ASH1L: variants seen among roughly 807,000 people sequenced by gnomAD.
ASH1L encodes histone-lysine N-methyltransferase ASH1L.
In ASH1L, 23 loss-of-function variants were observed where a neutral mutation model predicts 269.0. That is an observed-to-expected ratio of 0.09 (90% CI 0.06 to 0.12). ASH1L has a LOEUF of 0.12. ASH1L is among the 10% of genes least tolerant of loss of function. The pLI, the probability that ASH1L is intolerant of heterozygous loss-of-function variation, is 1.00. For missense variants in ASH1L, 2,912 were observed against 3,567.8 expected (o/e 0.82, Z 4.68); for synonymous variants, 1,187 against 1,253.5 (o/e 0.95, Z 1.12).
chr1:155,521,394 G>GT lies in ASH1L; in HGVS notation c.125dup (p.Asn42LysfsTer23). 6.2e-7 allele frequency: 1 copy of GT among 1,614,020 alleles called. No individual in the cohort carries two copies. Among genetic ancestry groups the GT allele is most frequent in the Non-Finnish European group, 8.5e-7 (1 of 1,180,008 alleles). ...TGCGAAGGTCCTCTTCCTCCTTTGTGTTTTTTTCTAGCTCTACTTCTCTCT... is the reference window on the plus strand; with the variant it reads ...TGCGAAGGTCCTCTTCCTCCTTTGTGTTTTTTTTCTAGCTCTACTTCTCTCT... On this transcript the variant is annotated frameshift_variant, in exon 2 of 28. Coordinates refer to ENST00000392403, the MANE Select transcript of ASH1L (RefSeq NM_018489.3). LOFTEE classifies it high-confidence loss of function.
At chr1:155,434,988 T>C (rs1293428763) in intron 5 of ASH1L, among the ~76,000 whole-genome samples, 1 of 152,092 alleles carries the variant, frequency 6.6e-6, no homozygotes, top group Non-Finnish European at 1.5e-5. Flanking sequence ...GGAAACCCCG[T>C]CTCTACTAAA....
chr1:155,469,001 A>G (rs1332084510), intron 3 of ASH1L, among the ~76,000 whole-genome samples: 1 of 152,150 alleles, frequency 6.6e-6, no homozygotes, highest in Non-Finnish European at 1.5e-5. Context: ...CAAAATGTAA[A>G]GGTGTAAGAA....
chr1:155,370,994 A>T lies in ASH1L; in HGVS notation c.6333-11T>A. 6.2e-7 allele frequency: 1 copy of T among 1,613,918 alleles called. No homozygotes were observed. Among genetic ancestry groups the T allele is most frequent in the South Asian group, 1.1e-5 (1 of 91,060 alleles). On this transcript the variant is annotated splice_polypyrimidine_tract_variant and intron_variant, in intron 10 of 27. Transcript: ENST00000392403. ...TCAGCAAAGATCATTCTAGAAAAAA[A>T]AGGAATAACTGTACATCAACTTACA...
intron 12 of ASH1L, 23 bp from the exon 13 acceptor site, chr1:155,360,432 T>G: frequency 6.6e-7 from 1 of 1,517,344 alleles, no homozygotes; most frequent in Non-Finnish European, 9.1e-7. Context: ...AAAACAGAGT[T>G]ATAAAGGCTG....
rs778407421 is a variant in ASH1L, at chr1:155,343,674, G to T, written c.8050C>A (p.Arg2684=). 6.2e-7 allele frequency: 1 copy of T among 1,614,158 alleles called. No homozygotes were observed. The highest frequency in any genetic ancestry group is 8.5e-7 in the Non-Finnish European group (1 of 1,180,022). Residue 2684 remains arginine (R), a synonymous_variant, in exon 23 of 28, where the codon CGA becomes AGA. Coordinates refer to ENST00000392403, the MANE Select transcript of ASH1L (RefSeq NM_018489.3). The surrounding 1 kb of genome is among the most constrained non-coding windows in gnomAD (Gnocchi z 6.1). ...PDGHPVRQSY[R]LLSHINRDKL... is the part of the protein sequence containing the mutation. The stretch of plus-strand genomic sequence containing the variant: ...TCTCGGTTAATGTGAGATAACAGTC[G>T]ATAGGACTGACGGACCGGGTGGCCA...
At chr1:155,346,315 G>C (rs756028681) in intron 21 of ASH1L, 68 bp downstream of exon 21, 3 of 1,561,340 alleles carry the variant, frequency 1.9e-6, no homozygotes, top group Non-Finnish European at 2.6e-6. Context: ...GCAGGAGCAG[G>C]ACAGGTGAGA....
chr1:155,362,215 T>A (rs963746092), intron 12 of ASH1L, among the ~76,000 whole-genome samples: 1 of 151,944 alleles, frequency 6.6e-6, no homozygotes, highest in Admixed American at 6.6e-5. Context: ...TTCATATTTT[T>A]AGTAGAGACA....
chr1:155,471,987 T>C (rs775258618), intron 3 of ASH1L, among the ~76,000 whole-genome samples: 3 of 152,188 alleles, frequency 2.0e-5, no homozygotes, highest in Admixed American at 6.5e-5. Context: ...TTTCTGTATG[T>C]TATTTTATAA....
chr1:155,437,601 G>A (rs1234067662), intron 5 of ASH1L, among the ~76,000 whole-genome samples: 1 of 152,168 alleles, frequency 6.6e-6, no homozygotes, highest in Non-Finnish European at 1.5e-5. Flanking sequence ...TTCCACTTCT[G>A]AGAATATGCC....
At chr1:155,339,472 G>T in intron 25 of ASH1L, 104 bp from the exon 26 acceptor site, 1 of 932,658 alleles carries the variant, frequency 1.1e-6, no homozygotes, top group East Asian at 2.6e-5. Context: ...CAGTAGACAA[G>T]TTGGGTGACT....
intron 4 of ASH1L, among the ~76,000 whole-genome samples, chr1:155,439,580 G>T (rs1662377027): frequency 6.6e-6 from 1 of 152,026 alleles, no homozygotes; most frequent in African/African-American, 2.4e-5. Flanking sequence ...GAAACCTATG[G>T]TCACAGCTAT....
intron 7 of ASH1L, among the ~76,000 whole-genome samples, chr1:155,387,854 C>T (rs567960835): frequency 6.6e-6 from 1 of 152,304 alleles, no homozygotes; most frequent in African/African-American, 2.4e-5. Flanking sequence ...CTTCGCTTCC[C>T]TAGTTAGCTG....
chr1:155,349,544 T>A lies in ASH1L; in HGVS notation c.7419A>T (p.Lys2473Asn). The change falls in exon 18 of 28, where the codon AAA (lysine) becomes AAT (asparagine). Residue 2473 changes from lysine (K) to asparagine (N), a missense_variant and splice_region_variant. Physicochemically the swap from Lys to Asn is moderately conservative, Grantham distance 94. This residue lies in a region of ASH1L where 309 missense variants were observed against 435.1 expected (regional missense o/e 0.71). Coordinates refer to ENST00000392403, the MANE Select transcript of ASH1L (RefSeq NM_018489.3). ...GATTCCCACAAATGTGAACCTACTTTTTCTTTGGGGGAAGGTTCAAAAGTG... is the reference window on the plus strand; with the variant it reads ...GATTCCCACAAATGTGAACCTACTTATTCTTTGGGGGAAGGTTCAAAAGTG... ...AAPLLNLPPKKKNADYYEKIS... is the reference protein window; with the variant it reads ...AAPLLNLPPKNKNADYYEKIS... 6.2e-7 allele frequency: 1 copy of A among 1,614,108 alleles called. No homozygotes were observed. Among genetic ancestry groups the A allele is most frequent in the Non-Finnish European group, 8.5e-7 (1 of 1,180,010 alleles).
chr1:155,424,708 A>G (rs774847672), intron 5 of ASH1L, among the ~76,000 whole-genome samples: 2 of 152,184 alleles, frequency 1.3e-5, no homozygotes, highest in Non-Finnish European at 1.5e-5. Context: ...TGCTCGGCCT[A>G]TTACAGTTAA....
At chr1:155,488,618 G>A (rs1666506400) in intron 2 of ASH1L, among the ~76,000 whole-genome samples, 1 of 118,716 alleles carries the variant, frequency 8.4e-6, no homozygotes, top group African/African-American at 3.2e-5. Flanking sequence ...GCAGTGAGCC[G>A]AGATCACACC....
intron 3 of ASH1L, among the ~76,000 whole-genome samples, chr1:155,476,377 C>A (rs1665550090): frequency 6.6e-6 from 1 of 151,688 alleles, no homozygotes; most frequent in African/African-American, 2.4e-5. Flanking sequence ...CAGAGCAAGA[C>A]TCCGTCTCAA....
intron 2 of ASH1L, among the ~76,000 whole-genome samples, chr1:155,502,046 T>G (rs1356782259): frequency 1.3e-5 from 2 of 151,256 alleles, no homozygotes; most frequent in Admixed American, 1.3e-4. Context: ...AATACAGTTA[T>G]GACAGTTTTC....
chr1:155,511,284 A>G (rs1668144979), intron 2 of ASH1L, among the ~76,000 whole-genome samples: 1 of 152,132 alleles, frequency 6.6e-6, no homozygotes, highest in Admixed American at 6.6e-5. Flanking sequence ...GTGGCATTCT[A>G]TTTTTGAGTC....
At chr1:155,439,183 T>C in intron 4 of ASH1L, 115 bp from the exon 5 acceptor site, 1 of 1,121,446 alleles carries the variant, frequency 8.9e-7, no homozygotes, top group Non-Finnish European at 1.2e-6. Flanking sequence ...AGATTACACA[T>C]CATAGGTAAA....
Sources: gnomAD v4.1 joint callset for allele counts (sites outside exome capture counted in the v4.1 genomes callset) on GRCh38, gnomAD v4.1.1 for gene constraint, gnomAD v4.1.1 regional missense constraint, Gnocchi (gnomAD v3.1) non-coding constraint, MANE v1.5 for transcripts, NCBI Gene and HGNC (gene_info 2026-07-23, HGNC 2026-07-21) for gene names.